Variants in SLC8A1 observed in about 807,000 individuals in gnomAD.
The protein encoded by SLC8A1 is solute carrier family 8 member A1.
Under a neutral mutation model 68.3 loss-of-function variants are expected in SLC8A1, and 18 were observed. The observed-to-expected ratio is 0.26, with a 90% CI of 0.18 to 0.39. The LOEUF (loss-of-function observed/expected upper bound fraction) is 0.39, where lower values mean the gene tolerates loss of function less well. Among genes scored for constraint, SLC8A1 ranks in the 10% least tolerant of loss-of-function variants. The pLI is 1.00. For synonymous variants in SLC8A1, 475 were observed against 415.5 expected, an observed-to-expected ratio of 1.14 and a Z score of -1.74; for missense variants, 985 against 1,156.7, an observed-to-expected ratio of 0.85 and a Z score of 2.15.
At chr2:40,410,741 T>C (rs529792582) in intron 2 of SLC8A1, among the ~76,000 whole-genome samples, 1 of 152,258 alleles carries the variant, frequency 6.6e-6, no homozygotes, top group East Asian at 1.9e-4. Context: ...TGAGCTCACC[T>C]ATAAGTTATC....
exon 2 of SLC8A1, chr2:40,430,086 T>C (rs1453501052): frequency 6.2e-7 from 1 of 1,613,778 alleles, no homozygotes; most frequent in Non-Finnish European, 8.5e-7. Flanking sequence ...GGTCTTGGGG[T>C]TCCCAAATGG....
intron 2 of SLC8A1, among the ~76,000 whole-genome samples, chr2:40,364,191 A>G (rs1438439069): frequency 2.6e-5 from 4 of 152,148 alleles, no homozygotes; most frequent in African/African-American, 9.6e-5. Flanking sequence ...AAAACAAAAC[A>G]TATAAAAACA....
chr2:40,457,452 G>C (rs1372099215), intron 1 of SLC8A1, among the ~76,000 whole-genome samples: 1 of 152,192 alleles, frequency 6.6e-6, no homozygotes, highest in African/African-American at 2.4e-5. Context: ...AGCTGCCACT[G>C]TTTTAGTGCT....
At chr2:40,245,077 T>A (rs992977746) in intron 2 of SLC8A1, among the ~76,000 whole-genome samples, 3 of 152,202 alleles carry the variant, frequency 2.0e-5, no homozygotes, top group African/African-American at 7.2e-5. Flanking sequence ...TGAGCAACCT[T>A]AAATGGCCTA....
At chr2:40,378,321 T>C (rs1255613191) in intron 2 of SLC8A1, among the ~76,000 whole-genome samples, 2 of 152,064 alleles carry the variant, frequency 1.3e-5, no homozygotes, top group Admixed American at 6.6e-5. Flanking sequence ...GGGAGTGAGT[T>C]AAGCAGGTAT....
At chr2:40,140,579 C>T (rs942444281) in intron 6 of SLC8A1, among the ~76,000 whole-genome samples, 2 of 152,232 alleles carry the variant, frequency 1.3e-5, no homozygotes, top group African/African-American at 4.8e-5. Flanking sequence ...GGGTGGACAG[C>T]AAGCTGGGCT....
intron 2 of SLC8A1, chr2:40,177,969 A>G (rs1257523701): frequency 1.1e-5 from 8 of 716,378 alleles, no homozygotes; most frequent in African/African-American, 5.3e-5. Flanking sequence ...CTGGCAGCAC[A>G]TGGGCCTCCT....
chr2:40,122,881 G>C (rs995152920), intron 7 of SLC8A1, among the ~76,000 whole-genome samples: 11 of 152,014 alleles, frequency 7.2e-5, no homozygotes, highest in East Asian at 3.8e-4. Context: ...GAGGTGCCCC[G>C]GGCTTAGTTT....
Position 40,333,762 on chromosome 2 carries a change from A to G in SLC8A1, c.1808+94711T>C, listed in dbSNP as rs185889570. Among the ~76,000 whole-genome samples, 627 of 151,976 alleles carry G rather than the reference A, an allele frequency of 4.1e-3. 2 individuals carry two copies. Among genetic ancestry groups the G allele is most frequent in the African/African-American group, 0.014 (584 of 41,440 alleles). On this transcript the variant is annotated intron_variant, in intron 2 of 7. Coordinates refer to ENST00000406785, the Ensembl canonical transcript of SLC8A1. Reference sequence around the variant, plus strand: ...CAGTAATCATCACACAAAAAATATCAATATGGGCTGGGCGCAGTAGCTCAC... The same window carrying G: ...CAGTAATCATCACACAAAAAATATCGATATGGGCTGGGCGCAGTAGCTCAC...
chr2:40,235,968 T>A (rs1292552172), intron 2 of SLC8A1, among the ~76,000 whole-genome samples: 1 of 151,374 alleles, frequency 6.6e-6, no homozygotes, highest in Non-Finnish European at 1.5e-5. Context: ...TGAGAGATAG[T>A]TTGTTATAAT....
chr2:40,451,954 GAA>G (rs1392608492), exon 1 of SLC8A1: 6 of 152,020 alleles, frequency 3.9e-5, no homozygotes, highest in Non-Finnish European at 7.4e-5. Flanking sequence ...CACGCTAGTA[GAA>G]AATACGGCGC....
intron 2 of SLC8A1, among the ~76,000 whole-genome samples, chr2:40,403,144 T>A (rs1235297082): frequency 6.6e-6 from 1 of 152,182 alleles, no homozygotes; most frequent in Non-Finnish European, 1.5e-5. Context: ...TTAAAGTTAA[T>A]CCTCATTGAA....
chr2:40,118,607 G>GGTTTT, intron 7 of SLC8A1: 1 of 74,712 alleles, frequency 1.3e-5, no homozygotes, highest in Non-Finnish European at 2.3e-5. Flanking sequence ...AAAAAAGGAA[G>GGTTTT]TTTTTTTTTT....
At chr2:40,287,802 C>T (rs1181193838) in intron 2 of SLC8A1, among the ~76,000 whole-genome samples, 1 of 151,766 alleles carries the variant, frequency 6.6e-6, no homozygotes, top group African/African-American at 2.4e-5. Context: ...AGAGAGGAAG[C>T]GTGGGAACTG....
At chr2:40,489,653 T>G (rs1039779461) in intron 1 of SLC8A1, among the ~76,000 whole-genome samples, 1 of 152,062 alleles carries the variant, frequency 6.6e-6, no homozygotes, top group Non-Finnish European at 1.5e-5. Flanking sequence ...GGAGAGAAGA[T>G]AGCAGAAAGC....
At chr2:40,488,588 C>G (rs7590169) in intron 1 of SLC8A1, among the ~76,000 whole-genome samples, 87,004 of 151,832 alleles carry the variant, frequency 0.57, 28,915 homozygotes, top group Non-Finnish European at 0.77. Flanking sequence ...AAAACCAACT[C>G]CATGTGTGTT....
intron 2 of SLC8A1, among the ~76,000 whole-genome samples, chr2:40,290,584 C>T (rs955157090): frequency 1.3e-5 from 2 of 151,974 alleles, no homozygotes; most frequent in African/African-American, 2.4e-5. Context: ...GTTAAATACT[C>T]AAAAAGAGAA....
intron 7 of SLC8A1, among the ~76,000 whole-genome samples, chr2:40,137,542 A>G (rs979583990): frequency 2.2e-4 from 34 of 152,188 alleles, no homozygotes; most frequent in African/African-American, 8.2e-4. Context: ...ATTTTCCTAT[A>G]ATTACCTCAG....
chr2:40,428,831 T>A, exon 2 of SLC8A1: 1 of 1,613,824 alleles, frequency 6.2e-7, no homozygotes, highest in Non-Finnish European at 8.5e-7. Context: ...TCCTCAAAGA[T>A]ATCATCATCT....
Sources: allele counts gnomAD v4.1 joint callset (sites outside exome capture counted in the v4.1 genomes callset), GRCh38; gene constraint gnomAD v4.1.1; transcripts MANE v1.5; gene names NCBI Gene and HGNC (gene_info 2026-07-23, HGNC 2026-07-21).